MEGF10: variants seen among roughly 807,000 people sequenced by gnomAD.
The protein encoded by MEGF10 is multiple EGF like domains 10, also known as multiple epidermal growth factor-like domains protein 10.
A neutral mutation model predicts 147.5 loss-of-function variants in MEGF10; 86 were observed. That is an observed-to-expected ratio of 0.58 (90% CI 0.49 to 0.70). The LOEUF (loss-of-function observed/expected upper bound fraction) is 0.70, where lower values mean the gene tolerates loss of function less well. Ranked by LOEUF, MEGF10 falls within the 30% of genes least tolerant of loss-of-function variation. The pLI is 0.00. For synonymous variants in MEGF10, 478 were observed against 525.5 expected (o/e 0.91, Z 1.24); for missense variants, 1,329 against 1,487.3 (o/e 0.89, Z 1.75).
chr5:127,314,719 T>C (rs1345664), intron 1 of MEGF10, among the ~76,000 whole-genome samples: 97,694 of 152,036 alleles, frequency 0.64, 31,950 homozygotes, highest in Middle Eastern at 0.7. Flanking sequence ...TAGCGGGATA[T>C]GAAAAATATA....
chr5:127,270,972 T>C, the MEGF10 span, among the ~76,000 whole-genome samples: 2 of 152,320 alleles, frequency 1.3e-5, no homozygotes, highest in Non-Finnish European at 2.9e-5. Context: ...CCGTCTATCA[T>C]TGATGGTTAA....
chr5:127,454,504 T>C (rs2127043544), intron 22 of MEGF10, 62 bp from the exon 23 acceptor site: 4 of 1,472,962 alleles, frequency 2.7e-6, no homozygotes, highest in East Asian at 4.6e-5. Context: ...CCTTGGGATA[T>C]TGGATGGGGT....
chr5:127,328,723 C>T (rs1292309203), intron 1 of MEGF10, among the ~76,000 whole-genome samples: 1 of 151,584 alleles, frequency 6.6e-6, no homozygotes, highest in East Asian at 1.9e-4. Flanking sequence ...AGGAAATAAA[C>T]TTTCCAATTT....
chr5:127,442,402 T>G (rs1765786521), intron 18 of MEGF10, among the ~76,000 whole-genome samples: 1 of 152,238 alleles, frequency 6.6e-6, no homozygotes, highest in Non-Finnish European at 1.5e-5. Flanking sequence ...TAAGACCGCA[T>G]AGTAAGAATC....
intron 1 of MEGF10, among the ~76,000 whole-genome samples, chr5:127,323,134 C>T (rs1760857701): frequency 6.6e-6 from 1 of 152,034 alleles, no homozygotes; most frequent in African/African-American, 2.4e-5. Flanking sequence ...TTATTTATTA[C>T]TGATCAGGGA....
At chr5:127,420,247 G>A in intron 12 of MEGF10, 40 bp downstream of exon 12, 6 of 1,592,272 alleles carry the variant, frequency 3.8e-6, no homozygotes, top group Non-Finnish European at 5.1e-6. Context: ...ACGCCTATGA[G>A]GAACTGATGT....
In MEGF10 at chr5:127,448,114, C is replaced by T. The variant is rs777908249; in HGVS notation, c.2856+430C>T. ...TCCAAGTGTGTCTCTTCTGACCGCC[C>T]GTCCTCCAGTACCCGTTCCTGGCCA... On this transcript the variant is annotated intron_variant, in intron 21 of 24. Coordinates refer to ENST00000503335, the MANE Select transcript of MEGF10 (RefSeq NM_001256545.2). Among the ~76,000 whole-genome samples, 8 of 152,276 alleles carry T rather than the reference C, an allele frequency of 5.3e-5. No homozygotes were observed. In the South Asian group the frequency reaches 1.5e-3, roughly 28 times the overall value.
chr5:127,435,248 C>A, intron 15 of MEGF10, 113 bp from the exon 16 acceptor site: 1 of 1,261,322 alleles, frequency 7.9e-7, no homozygotes. Flanking sequence ...GCAGAGATAG[C>A]TACCAATGAG....
intron 5 of MEGF10, among the ~76,000 whole-genome samples, chr5:127,391,438 A>T (rs923721295): frequency 6.6e-6 from 1 of 151,876 alleles, no homozygotes; most frequent in Admixed American, 6.6e-5. Flanking sequence ...TTAGCCAGTC[A>T]TGGCAGCATG....
the MEGF10 span, among the ~76,000 whole-genome samples, chr5:127,250,134 G>A: frequency 6.6e-6 from 1 of 151,920 alleles, no homozygotes; most frequent in African/African-American, 2.4e-5. Flanking sequence ...TAGTAACCAT[G>A]AATAAAACTT....
chr5:127,431,251 G>T (rs939872980), intron 13 of MEGF10, among the ~76,000 whole-genome samples: 8 of 152,164 alleles, frequency 5.3e-5, no homozygotes, highest in South Asian at 4.1e-4. Context: ...ATTCAGATTT[G>T]CCTATCTGGC....
chr5:127,229,305 C>T, the MEGF10 span: 1 of 152,234 alleles, frequency 6.6e-6, no homozygotes, highest in Non-Finnish European at 1.5e-5. Context: ...CCTCTGTGTC[C>T]CGCGGTAGCA....
chr5:127,245,207 C>T, the MEGF10 span, among the ~76,000 whole-genome samples: 75,671 of 151,966 alleles, frequency 0.5, 19,059 homozygotes, highest in Middle Eastern at 0.61. Flanking sequence ...CTTCAAACTA[C>T]ACTACAAAGC....
At chr5:127,293,446 A>G (rs1561552327) in intron 1 of MEGF10, among the ~76,000 whole-genome samples, 1 of 152,232 alleles carries the variant, frequency 6.6e-6, no homozygotes, top group Non-Finnish European at 1.5e-5. Flanking sequence ...TTTGACCTAA[A>G]TAAATGGCAA....
chr5:127,297,146 T>C (rs1554087578), intron 1 of MEGF10, among the ~76,000 whole-genome samples: 2 of 152,176 alleles, frequency 1.3e-5, no homozygotes, highest in Non-Finnish European at 2.9e-5. Flanking sequence ...TTTGTATTTT[T>C]AGTAGAGACG....
chr5:127,378,317 G>A (rs1333093770), intron 5 of MEGF10, among the ~76,000 whole-genome samples: 1 of 152,160 alleles, frequency 6.6e-6, no homozygotes, highest in East Asian at 1.9e-4. Context: ...ACAAGTAAAT[G>A]CTACTTATGA....
At chr5:127,448,974 T>C in intron 21 of MEGF10, 125 bp from the exon 22 acceptor site, 2 of 1,279,422 alleles carry the variant, frequency 1.6e-6, no homozygotes, top group Non-Finnish European at 2.1e-6. Flanking sequence ...CCTCGGCCCC[T>C]GAGCTCAGGT....
At chr5:127,392,544 G>A (rs1763743637) in intron 5 of MEGF10, among the ~76,000 whole-genome samples, 1 of 152,110 alleles carries the variant, frequency 6.6e-6, no homozygotes, top group Admixed American at 6.5e-5. Flanking sequence ...TTCAGACTTG[G>A]TGTCTCTGTC....
At chr5:127,334,242 G>T (rs190551016) in intron 2 of MEGF10, among the ~76,000 whole-genome samples, 1 of 152,236 alleles carries the variant, frequency 6.6e-6, no homozygotes, top group Non-Finnish European at 1.5e-5. Context: ...CTCATTTTAA[G>T]CTCTTCTTAT....
Sources: gnomAD v4.1 joint callset for allele counts (sites outside exome capture counted in the v4.1 genomes callset) on GRCh38, gnomAD v4.1.1 for gene constraint, MANE v1.5 for transcripts, NCBI Gene and HGNC (gene_info 2026-07-23, HGNC 2026-07-21) for gene names.